Variants in DMD observed in about 807,000 individuals in gnomAD.
The protein encoded by DMD is dystrophin.
In DMD, 63 loss-of-function variants were observed where a neutral mutation model predicts 330.1. The observed-to-expected ratio is 0.19, with a 90% CI of 0.16 to 0.24. The LOEUF is 0.24. DMD is among the 10% of genes least tolerant of loss of function. DMD has a pLI of 1.00. For missense variants in DMD, 3,344 were observed against 2,684.1 expected, an observed-to-expected ratio of 1.25 and a Z score of -5.43; for synonymous variants, 1,223 against 959.8, an observed-to-expected ratio of 1.27 and a Z score of -5.07.
At chrX:33,070,655 C>CTCTT (rs1357040659) in intron 1 of DMD, among the ~76,000 whole-genome samples, 31 of 40,817 alleles carry the variant, frequency 7.6e-4, no homozygotes, top group Non-Finnish European at 8.8e-4. Context: ...CTCTCTCTCT[C>CTCTT]TCTCTCTCTC....
At chrX:32,538,975 T>A (rs1303865242) in intron 17 of DMD, among the ~76,000 whole-genome samples, 1 of 111,197 alleles carries the variant, frequency 9.0e-6, no homozygotes, top group Non-Finnish European at 1.9e-5. Flanking sequence ...GATGATACTG[T>A]TTCATGCACT....
intron 42 of DMD, among the ~76,000 whole-genome samples, chrX:32,302,785 G>A (rs771280875): frequency 1.3e-4 from 14 of 110,953 alleles, no homozygotes; most frequent in Non-Finnish European, 1.9e-4. Context: ...CTACACAGTC[G>A]TACATGATTT....
intron 1 of DMD, among the ~76,000 whole-genome samples, chrX:33,261,667 C>CACACACAT (rs1557309962): frequency 9.2e-6 from 1 of 108,244 alleles, no homozygotes; most frequent in Non-Finnish European, 1.9e-5. Context: ...CACACACACA[C>CACACACAT]GCCATGAAGG....
At chrX:31,374,867 T>C (rs1407976510) in intron 60 of DMD, among the ~76,000 whole-genome samples, 1 of 111,597 alleles carries the variant, frequency 9.0e-6, no homozygotes, top group Non-Finnish European at 1.9e-5. Flanking sequence ...TCTTTCAGCA[T>C]CTGTAGTAGA....
intron 1 of DMD, among the ~76,000 whole-genome samples, chrX:33,108,423 A>G (rs945526209): frequency 1.9e-5 from 2 of 107,233 alleles, no homozygotes; most frequent in South Asian, 4.3e-4. Context: ...ATGTGCCACC[A>G]GGCCGGCTAA....
chrX:31,960,283 A>G (rs1162551753), intron 45 of DMD, among the ~76,000 whole-genome samples: 1 of 110,125 alleles, frequency 9.1e-6, no homozygotes, highest in African/African-American at 3.4e-5. Flanking sequence ...GCCAAGGTAC[A>G]TGGTACCAGA....
intron 2 of DMD, among the ~76,000 whole-genome samples, chrX:32,919,150 T>C (rs1009107184): frequency 4.5e-5 from 5 of 111,684 alleles, no homozygotes; most frequent in Non-Finnish European, 7.5e-5. Flanking sequence ...CTTAAGACAA[T>C]GGAGATCATC....
At chrX:32,980,125 G>A (rs1302015011) in intron 2 of DMD, among the ~76,000 whole-genome samples, 7 of 110,458 alleles carry the variant, frequency 6.3e-5, no homozygotes, top group African/African-American at 2.3e-4. Context: ...CAGCACTTTG[G>A]GAGGCCGAGG....
intron 2 of DMD, among the ~76,000 whole-genome samples, chrX:33,012,251 AT>A (rs1424415734): frequency 8.9e-6 from 1 of 111,796 alleles, no homozygotes; most frequent in Non-Finnish European, 1.9e-5. Flanking sequence ...TTCTCAGTAG[AT>A]TAAACCATTT....
intron 57 of DMD, among the ~76,000 whole-genome samples, chrX:31,483,110 A>G (rs750340712): frequency 4.9e-4 from 48 of 97,389 alleles, no homozygotes; most frequent in East Asian, 3.8e-3. Context: ...GCAGTGGCGC[A>G]ATCTCGGCTC....
intron 7 of DMD, among the ~76,000 whole-genome samples, chrX:32,730,015 G>C (rs897466239): frequency 9.0e-6 from 1 of 111,721 alleles, no homozygotes; most frequent in Non-Finnish European, 1.9e-5. Flanking sequence ...TTGGGAAACT[G>C]CAGTGTTCAG....
chrX:33,230,955 G>GT (rs1177424578), intron 1 of DMD, among the ~76,000 whole-genome samples: 9 of 99,311 alleles, frequency 9.1e-5, no homozygotes, highest in African/African-American at 4.3e-4. Context: ...GAACATAATA[G>GT]CCAAAAAAAA....
intron 1 of DMD, among the ~76,000 whole-genome samples, chrX:33,068,239 T>C (rs1016720528): frequency 1.3e-4 from 14 of 111,864 alleles, no homozygotes; most frequent in African/African-American, 3.6e-4. Flanking sequence ...TCTAGGGGAT[T>C]CTGCTGTATT....
intron 44 of DMD, among the ~76,000 whole-genome samples, chrX:31,983,036 T>C (rs748393727): frequency 2.7e-4 from 29 of 108,766 alleles, no homozygotes; most frequent in Non-Finnish European, 4.0e-4. Flanking sequence ...TAGGGAGAAA[T>C]GTTGTTAAAA....
intron 1 of DMD, among the ~76,000 whole-genome samples, chrX:33,315,284 C>T (rs1401443813): frequency 8.9e-6 from 1 of 112,189 alleles, no homozygotes; most frequent in Non-Finnish European, 1.9e-5. Context: ...TGTTCAAACT[C>T]TGTACATTCC....
At chrX:32,302,302 G>GTGGT in intron 42 of DMD, among the ~76,000 whole-genome samples, 1 of 111,140 alleles carries the variant, frequency 9.0e-6, no homozygotes, top group East Asian at 2.8e-4. Flanking sequence ...GGTAAGCTAG[G>GTGGT]CTAAACCATG....
intron 1 of DMD, among the ~76,000 whole-genome samples, chrX:33,116,768 G>A (rs2095388508): frequency 9.0e-6 from 1 of 111,349 alleles, no homozygotes; most frequent in Admixed American, 9.7e-5. Context: ...ACCAAAAGTC[G>A]ATGGAGGAAA....
intron 56 of DMD, among the ~76,000 whole-genome samples, chrX:31,500,539 T>G (rs972125398): frequency 8.9e-6 from 1 of 112,443 alleles, no homozygotes; most frequent in African/African-American, 3.2e-5. Flanking sequence ...TGTTTTCAAG[T>G]CACATTTCTA....
At chrX:32,698,361 G>T (rs2063811279) in intron 8 of DMD, among the ~76,000 whole-genome samples, 1 of 111,490 alleles carries the variant, frequency 9.0e-6, no homozygotes, top group Non-Finnish European at 1.9e-5. Context: ...AATTCATCAG[G>T]TCCATACCCT....
Sources: allele counts gnomAD v4.1 joint callset (sites outside exome capture counted in the v4.1 genomes callset), GRCh38; gene constraint gnomAD v4.1.1; transcripts MANE v1.5; gene names NCBI Gene and HGNC (gene_info 2026-07-23, HGNC 2026-07-21).